OSBP2: variants seen among roughly 807,000 people sequenced by gnomAD.
OSBP2 encodes oxysterol-binding protein 2.
A neutral mutation model predicts 96.0 loss-of-function variants in OSBP2; 66 were observed. The observed-to-expected ratio is 0.69, with a 90% confidence interval of 0.56 to 0.84. The LOEUF (loss-of-function observed/expected upper bound fraction) is 0.84, where lower values mean the gene tolerates loss of function less well. Ranked by LOEUF, OSBP2 falls within the 40% of genes least tolerant of loss-of-function variation. OSBP2 has a pLI of 0.00. For synonymous variants in OSBP2, 525 were observed against 520.9 expected, an observed-to-expected ratio of 1.01 and a Z score of -0.11; for missense variants, 1,038 against 1,222.7, an observed-to-expected ratio of 0.85 and a Z score of 2.25.
At chr22:30,821,474 G>C (rs1407256411) in intron 2 of OSBP2, among the ~76,000 whole-genome samples, 1 of 152,194 alleles carries the variant, frequency 6.6e-6, no homozygotes, top group Non-Finnish European at 1.5e-5. Context: ...GGATCTAAGA[G>C]ACGGAGAAGT....
intron 2 of OSBP2, among the ~76,000 whole-genome samples, chr22:30,754,380 G>A (rs1424822308): frequency 2.0e-5 from 3 of 152,190 alleles, no homozygotes; most frequent in Admixed American, 6.5e-5. Context: ...GCTTTGATTG[G>A]TGTCCTTGTG....
At chr22:30,780,977 T>A (rs547935830) in intron 2 of OSBP2, among the ~76,000 whole-genome samples, 15 of 152,086 alleles carry the variant, frequency 9.9e-5, no homozygotes, top group Non-Finnish European at 1.3e-4. Context: ...TTTTAATATT[T>A]AAAATTTTTT....
At chr22:30,742,264 G>A (rs1216317765) in intron 2 of OSBP2, among the ~76,000 whole-genome samples, 4 of 151,744 alleles carry the variant, frequency 2.6e-5, no homozygotes, top group African/African-American at 9.7e-5. Context: ...AAACCTGTCT[G>A]TACTAAAGAT....
intron 2 of OSBP2, among the ~76,000 whole-genome samples, chr22:30,794,284 CG>C (rs1249283431): frequency 7.4e-5 from 10 of 134,410 alleles, no homozygotes; most frequent in African/African-American, 2.8e-4. Context: ...TTTTTTGAGA[CG>C]GAGTCTCACT....
intron 2 of OSBP2, among the ~76,000 whole-genome samples, chr22:30,815,979 G>C (rs547817993): frequency 6.6e-6 from 1 of 152,266 alleles, no homozygotes; most frequent in South Asian, 2.1e-4. Context: ...TCAGATTACT[G>C]AGTTAAGGGC....
chr22:30,811,702 C>A (rs1393842811), intron 2 of OSBP2, among the ~76,000 whole-genome samples: 1 of 151,172 alleles, frequency 6.6e-6, no homozygotes, highest in Non-Finnish European at 1.5e-5. Context: ...TTACAGGCGC[C>A]CACCACCACA....
intron 3 of OSBP2, among the ~76,000 whole-genome samples, chr22:30,875,533 C>T (rs899741473): frequency 3.9e-5 from 6 of 152,090 alleles, no homozygotes; most frequent in African/African-American, 7.2e-5. Context: ...CCACCACACT[C>T]GGCTAATTTT....
At chr22:30,796,566 T>C (rs537288469) in intron 2 of OSBP2, among the ~76,000 whole-genome samples, 3 of 152,126 alleles carry the variant, frequency 2.0e-5, no homozygotes, top group African/African-American at 4.8e-5. Flanking sequence ...AGTGCAGTGA[T>C]ACGATCTCAG....
chr22:30,735,187 A>C (rs2089831023), intron 1 of OSBP2, among the ~76,000 whole-genome samples: 1 of 152,158 alleles, frequency 6.6e-6, no homozygotes, highest in Non-Finnish European at 1.5e-5. Context: ...GTGAGACTCT[A>C]TTTCAAAAAT....
At chr22:30,766,749 G>A (rs1313270050) in intron 2 of OSBP2, among the ~76,000 whole-genome samples, 1 of 152,206 alleles carries the variant, frequency 6.6e-6, no homozygotes, top group Non-Finnish European at 1.5e-5. Flanking sequence ...GCTAGACTCA[G>A]TCTCTTCCAT....
Position 30,881,707 on chromosome 22 carries a change from C to T in OSBP2, c.1108-5719C>T. On this transcript the variant is annotated intron_variant, in intron 3 of 13. Transcript: ENST00000332585. This position sits in a 1 kb window ranked among gnomAD's most constrained non-coding sequence, Gnocchi z 4.5. Reference sequence around the variant, plus strand: ...GCATTCTGAGAACAGCAGGGCCACGCCAGGCGCCTGCCTCTCCCCACAGCA... The same window carrying T: ...GCATTCTGAGAACAGCAGGGCCACGTCAGGCGCCTGCCTCTCCCCACAGCA... 7.7e-7 allele frequency: 1 copy of T among 1,304,106 alleles called. No homozygotes were observed. The highest frequency in any genetic ancestry group is 1.0e-6 in the Non-Finnish European group (1 of 988,902). The allele number at this position is 1,304,106 out of a possible 1,614,324, so 80.8% of individuals were successfully genotyped here.
chr22:30,770,602 A>C (rs1391657028), intron 2 of OSBP2: 1 of 152,272 alleles, frequency 6.6e-6, no homozygotes, highest in Non-Finnish European at 1.5e-5. Context: ...GTGGCAGGGA[A>C]CAAAACCCCG....
intron 2 of OSBP2, among the ~76,000 whole-genome samples, chr22:30,813,946 G>A (rs926485507): frequency 1.3e-5 from 2 of 151,812 alleles, no homozygotes; most frequent in African/African-American, 4.8e-5. Flanking sequence ...GGGATTACAG[G>A]TGCATGCCAT....
intron 2 of OSBP2, among the ~76,000 whole-genome samples, chr22:30,803,711 A>G (rs2090887788): frequency 6.6e-6 from 1 of 152,152 alleles, no homozygotes; most frequent in South Asian, 2.1e-4. Context: ...CTTCGGGGCG[A>G]GGGTCACTTC....
rs531198818 is a variant in OSBP2 at position 30,788,646 on chromosome 22, C to T, written c.853+47277C>T. 3.3e-5 allele frequency among the ~76,000 whole-genome samples: 5 copies of T among 152,270 alleles called. No individual in the cohort carries two copies. The South Asian group carries it at 1.0e-3, about 32-fold the overall frequency. On this transcript the variant is annotated intron_variant, in intron 2 of 13. Coordinates refer to ENST00000332585, the MANE Select transcript of OSBP2 (RefSeq NM_030758.4). ...CATAATGAGTCTCTAATGCCAAGGA[C>T]TGTGTTAATTAATAAGTTGTACATG...
At chr22:30,855,745 C>T (rs1455030252) in intron 2 of OSBP2, among the ~76,000 whole-genome samples, 1 of 152,156 alleles carries the variant, frequency 6.6e-6, no homozygotes, top group African/African-American at 2.4e-5. Context: ...CACAGGGTGA[C>T]CTATTTAAGA....
chr22:30,850,991 T>C (rs1393066795), intron 2 of OSBP2, among the ~76,000 whole-genome samples: 1 of 152,256 alleles, frequency 6.6e-6, no homozygotes, highest in Non-Finnish European at 1.5e-5. Context: ...TAGCCATGTG[T>C]TGTCTTTCAC....
intron 2 of OSBP2, among the ~76,000 whole-genome samples, chr22:30,788,343 T>A (rs1200382111): frequency 6.6e-6 from 1 of 152,082 alleles, no homozygotes; most frequent in Non-Finnish European, 1.5e-5. Context: ...CAACACAGAA[T>A]CCTACCCAGT....
intron 2 of OSBP2, among the ~76,000 whole-genome samples, chr22:30,789,512 G>C (rs547173987): frequency 6.6e-6 from 1 of 152,162 alleles, no homozygotes; most frequent in South Asian, 2.1e-4. Context: ...TGATTTCCTC[G>C]TCATTGACCC....
Sources: allele counts gnomAD v4.1 joint callset (sites outside exome capture counted in the v4.1 genomes callset), GRCh38; gene constraint gnomAD v4.1.1; non-coding constraint Gnocchi (gnomAD v3.1); transcripts MANE v1.5; gene names NCBI Gene and HGNC (gene_info 2026-07-23, HGNC 2026-07-21).